WDR48: variants seen among roughly 807,000 people sequenced by gnomAD.
WDR48 encodes WD repeat domain 48.
In WDR48, 22 loss-of-function variants were observed where a neutral mutation model predicts 94.0. The observed-to-expected ratio is 0.23, with a 90% CI of 0.17 to 0.33. The LOEUF (loss-of-function observed/expected upper bound fraction) is 0.33, where lower values mean the gene tolerates loss of function less well. Ranked by LOEUF, WDR48 falls within the 10% of genes least tolerant of loss-of-function variation. The pLI is 1.00. For missense variants in WDR48, 541 were observed against 813.8 expected, an observed-to-expected ratio of 0.66 and a Z score of 4.08; for synonymous variants, 278 against 280.5, an observed-to-expected ratio of 0.99 and a Z score of 0.09.
At chr3:39,075,190 CTTTTTTTTTT>C (rs11353487) in intron 8 of WDR48, among the ~76,000 whole-genome samples, 5 of 110,492 alleles carry the variant, frequency 4.5e-5, no homozygotes, top group African/African-American at 1.0e-4. Flanking sequence ...TTGTGTTTTG[CTTTTTTTTTT>C]TTTTTTTTTT....
chr3:39,054,168 A>T (rs962476594), intron 1 of WDR48, among the ~76,000 whole-genome samples: 5 of 152,240 alleles, frequency 3.3e-5, no homozygotes, highest in African/African-American at 1.2e-4. Context: ...TTCATTGTAA[A>T]AATCCCAACA....
At chr3:39,068,957 ATATT>A in intron 6 of WDR48, 98 bp downstream of exon 6, 1 of 902,186 alleles carries the variant, frequency 1.1e-6, no homozygotes, top group Non-Finnish European at 1.6e-6. Flanking sequence ...TAGCTTCTTT[ATATT>A]TATTTATTTA....
At chr3:39,069,939 A>G (rs953540058) in intron 7 of WDR48, among the ~76,000 whole-genome samples, 195 bp downstream of exon 7, 14 of 152,254 alleles carry the variant, frequency 9.2e-5, no homozygotes, top group African/African-American at 3.1e-4. Context: ...TTAACAAAAC[A>G]AAGAATTTCC....
chr3:39,080,042 T>C (rs1343720184), intron 11 of WDR48, among the ~76,000 whole-genome samples: 1 of 152,134 alleles, frequency 6.6e-6, no homozygotes, highest in Non-Finnish European at 1.5e-5. Context: ...GACAATCTTA[T>C]ATGCTGCCTT....
chr3:39,079,002 C>T (rs1432826722), intron 10 of WDR48, among the ~76,000 whole-genome samples: 1 of 148,344 alleles, frequency 6.7e-6, no homozygotes, highest in Non-Finnish European at 1.5e-5. Flanking sequence ...TGCACTCCAG[C>T]CTGGGCGACA....
At chr3:39,088,333 TATTAA>T (rs2034919794) in intron 15 of WDR48, 100 bp downstream of exon 15, 2 of 1,185,706 alleles carry the variant, frequency 1.7e-6, no homozygotes, top group Non-Finnish European at 2.4e-6. Flanking sequence ...AATAGTTTAT[TATTAA>T]ATTCTAGGGA....
At chr3:39,071,759 A>G in intron 7 of WDR48, among the ~76,000 whole-genome samples, 1 of 152,220 alleles carries the variant, frequency 6.6e-6, no homozygotes, top group East Asian at 1.9e-4. Flanking sequence ...CTATGGACTA[A>G]ATGTAAAATT....
chr3:39,094,375 G>A (rs1351565241), intron 18 of WDR48: 2 of 1,464,900 alleles, frequency 1.4e-6, no homozygotes, highest in African/African-American at 2.8e-5. Flanking sequence ...AGAAATGGCA[G>A]AACTGTTTTT....
rs770524536 is a variant in WDR48, at chr3:39,063,037, A to T, written c.49-13A>T. Reference sequence around the variant, plus strand: ...TGTACTTTATAAAAAGCATATGTTGACACATTTGTCAGGTTTCCTATGTTA... The same window carrying T: ...TGTACTTTATAAAAAGCATATGTTGTCACATTTGTCAGGTTTCCTATGTTA... On this transcript the variant is annotated splice_polypyrimidine_tract_variant and intron_variant, in intron 1 of 18. Transcript: ENST00000302313. The T allele has an allele frequency of 6.2e-7, 1 of 1,613,758 alleles. No individual in the cohort carries two copies. Among genetic ancestry groups the T allele is most frequent in the Non-Finnish European group, 8.5e-7 (1 of 1,179,868 alleles).
chr3:39,067,182 C>T (rs2033660581), intron 5 of WDR48, among the ~76,000 whole-genome samples: 1 of 152,208 alleles, frequency 6.6e-6, no homozygotes, highest in Non-Finnish European at 1.5e-5. Flanking sequence ...TACTTCGTAT[C>T]TCCCACAGCA....
At chr3:39,070,114 C>T (rs911907557) in intron 7 of WDR48, among the ~76,000 whole-genome samples, 12 of 152,162 alleles carry the variant, frequency 7.9e-5, no homozygotes, top group African/African-American at 2.9e-4. Context: ...CTTAGGGGCA[C>T]ATTTTGTCAG....
At chr3:39,056,622 A>C (rs1373190752) in intron 1 of WDR48, among the ~76,000 whole-genome samples, 1 of 152,220 alleles carries the variant, frequency 6.6e-6, no homozygotes, top group Non-Finnish European at 1.5e-5. Flanking sequence ...ATGGCATTGA[A>C]ATCAGTGGCA....
chr3:39,094,763 G>A lies in WDR48; in HGVS notation c.*20G>A. ...ACGTGAAGGCTGGGCTAATGCTCCT[G>A]GATATTCATTTACGACCTTCCTCTA... On this transcript the variant is annotated 3_prime_UTR_variant, in exon 19 of 19. Coordinates refer to ENST00000302313, the MANE Select transcript of WDR48 (RefSeq NM_020839.4). 2 of 1,613,558 alleles carry A rather than the reference G, an allele frequency of 1.2e-6. No individual in the cohort carries two copies. Among genetic ancestry groups the A allele is most frequent in the Non-Finnish European group, 1.7e-6 (2 of 1,179,874 alleles).
chr3:39,055,408 C>G (rs533674363), intron 1 of WDR48, among the ~76,000 whole-genome samples: 2 of 152,262 alleles, frequency 1.3e-5, no homozygotes, highest in African/African-American at 2.4e-5. Flanking sequence ...TCGCTTGAAC[C>G]CAGGAGGCGG....
chr3:39,092,882 C>T (rs2035154039), intron 17 of WDR48, among the ~76,000 whole-genome samples: 2 of 151,554 alleles, frequency 1.3e-5, no homozygotes, highest in Admixed American at 1.3e-4. Context: ...TGTCTACACA[C>T]ACACACACAC....
chr3:39,082,527 G>A (rs953780470), intron 11 of WDR48, among the ~76,000 whole-genome samples: 2 of 152,042 alleles, frequency 1.3e-5, no homozygotes, highest in African/African-American at 4.8e-5. Flanking sequence ...TGATCTGCCC[G>A]TCTTGGCCTC....
intron 3 of WDR48, among the ~76,000 whole-genome samples, chr3:39,066,145 T>G (rs901247503): frequency 6.6e-6 from 1 of 152,194 alleles, no homozygotes; most frequent in Non-Finnish European, 1.5e-5. Context: ...CAAAGGGTAG[T>G]TTTGCCTTCA....
intron 1 of WDR48, among the ~76,000 whole-genome samples, chr3:39,061,326 A>T (rs1486644366): frequency 1.6e-5 from 2 of 127,650 alleles, no homozygotes; most frequent in African/African-American, 6.1e-5. Flanking sequence ...TTCAGCTCCC[A>T]CTTACGAGTG....
chr3:39,064,565 G>A (rs779990832), intron 2 of WDR48, among the ~76,000 whole-genome samples: 5 of 152,116 alleles, frequency 3.3e-5, no homozygotes, highest in Admixed American at 6.6e-5. Flanking sequence ...GTGAGCCACC[G>A]CGCCTGGCCA....
Sources: gnomAD v4.1 joint callset for allele counts (sites outside exome capture counted in the v4.1 genomes callset) on GRCh38, gnomAD v4.1.1 for gene constraint, MANE v1.5 for transcripts, NCBI Gene and HGNC (gene_info 2026-07-23, HGNC 2026-07-21) for gene names.